The following IRAK2 variants were observed in gnomAD, a reference collection of about 807,000 sequenced individuals.
IRAK2 encodes the protein interleukin 1 receptor associated kinase 2.
A neutral mutation model predicts 72.0 loss-of-function variants in IRAK2; 57 were observed. The observed-to-expected ratio is 0.79, with a 90% CI of 0.64 to 0.99. The LOEUF (loss-of-function observed/expected upper bound fraction) is 0.99, where lower values mean the gene tolerates loss of function less well. IRAK2 is among the 50% of genes least tolerant of loss of function. IRAK2 has a pLI of 0.00. For missense variants in IRAK2, 790 were observed against 794.4 expected, an observed-to-expected ratio of 0.99 and a Z score of 0.07; for synonymous variants, 293 against 312.7, an observed-to-expected ratio of 0.94 and a Z score of 0.67.
chr3:10,207,206 G>T (rs1026055437), intron 3 of IRAK2, among the ~76,000 whole-genome samples: 1 of 152,102 alleles, frequency 6.6e-6, no homozygotes, highest in Non-Finnish European at 1.5e-5. Context: ...ACCTGCCTCG[G>T]CCTCCCAAAG....
At chr3:10,197,926 G>A (rs934638401) in intron 2 of IRAK2, among the ~76,000 whole-genome samples, 1 of 143,376 alleles carries the variant, frequency 7.0e-6, no homozygotes. Context: ...CAGGCCGGGC[G>A]CAGTGGCTCA....
intron 2 of IRAK2, among the ~76,000 whole-genome samples, chr3:10,190,111 G>GC (rs1318674685): frequency 3.3e-5 from 5 of 151,058 alleles, no homozygotes; most frequent in Non-Finnish European, 7.4e-5. Context: ...TAGTGATGAG[G>GC]CCAACATGGG....
At position 10,237,065 on chromosome 3, in the gene IRAK2, C is replaced by T. The variant is rs1697972649; in HGVS notation, c.1474-1683C>T. Among the ~76,000 whole-genome samples the T allele has an allele frequency of 2.0e-5, 3 of 152,216 alleles. No individual in the cohort carries two copies. In the South Asian group the frequency reaches 6.2e-4, roughly 31 times the overall value. On this transcript the variant is annotated intron_variant, in intron 11 of 12. Transcript: ENST00000256458. ...TTAAAAGGAAAAGGTGGACACACTC[C>T]CTTTCTTTTAAAGATATAACCTGGA...
intron 2 of IRAK2, among the ~76,000 whole-genome samples, chr3:10,182,774 TG>T (rs1445179571): frequency 2.6e-5 from 4 of 151,678 alleles, no homozygotes; most frequent in South Asian, 2.1e-4. Flanking sequence ...CCCACTAATT[TG>T]TTTTTTTTTT....
In IRAK2 at chr3:10,213,515, G is replaced by A; in HGVS notation, c.755G>A (p.Arg252Lys). 2 of 1,614,152 alleles carry A rather than the reference G, an allele frequency of 1.2e-6. No individual in the cohort carries two copies. Among genetic ancestry groups the A allele is most frequent in the African/African-American group, 1.3e-5 (1 of 75,040 alleles). Residue 252 changes from arginine to lysine, a missense_variant, in exon 6 of 13, where the codon AGA becomes AAA. By Grantham distance (26) the Arg-to-Lys change is conservative (BLOSUM62 2). Coordinates refer to ENST00000256458, the MANE Select transcript of IRAK2 (RefSeq NM_001570.4). ...TGTTCAAGTCCAGGATCAATCGAAA[G>A]ATTCTTCCAGGCAGAGTTGCAGATT... The part of the protein sequence containing the change: ...TACSSPGSIE[R>K]FFQAELQICL...
intron 6 of IRAK2, among the ~76,000 whole-genome samples, chr3:10,213,978 G>C (rs887325936): frequency 7.9e-5 from 12 of 151,646 alleles, no homozygotes; most frequent in African/African-American, 2.9e-4. Flanking sequence ...TCCCAGGCTG[G>C]AGTGCAGTGG....
At chr3:10,182,286 TC>T (rs1186603567) in intron 2 of IRAK2, among the ~76,000 whole-genome samples, 12 of 127,824 alleles carry the variant, frequency 9.4e-5, no homozygotes, top group African/African-American at 3.2e-4. Flanking sequence ...TTTCTTTTTT[TC>T]TTTTTTTTTT....
chr3:10,178,719 G>A (rs1696916767), intron 2 of IRAK2, among the ~76,000 whole-genome samples: 1 of 152,184 alleles, frequency 6.6e-6, no homozygotes, highest in Non-Finnish European at 1.5e-5. Flanking sequence ...ATCCCAAGAA[G>A]TAATGATTGG....
At chr3:10,220,375 C>T (rs755966987) in intron 8 of IRAK2, among the ~76,000 whole-genome samples, 1 of 152,302 alleles carries the variant, frequency 6.6e-6, no homozygotes, top group African/African-American at 2.4e-5. Flanking sequence ...AGACACAGAA[C>T]TCGTATTTCC....
chr3:10,181,272 G>A (rs76444263), intron 2 of IRAK2, among the ~76,000 whole-genome samples: 1,562 of 152,020 alleles, frequency 0.01, 39 homozygotes, highest in South Asian at 0.075. Context: ...TTCCCCCTGC[G>A]AAAGTTGTCA....
intron 9 of IRAK2, among the ~76,000 whole-genome samples, chr3:10,225,916 G>A (rs1187519352): frequency 6.6e-6 from 1 of 151,946 alleles, no homozygotes; most frequent in African/African-American, 2.4e-5. Flanking sequence ...AGCCAGGATG[G>A]TCTCGATCTC....
At chr3:10,195,410 G>C (rs1367779720) in intron 2 of IRAK2, among the ~76,000 whole-genome samples, 8 of 152,178 alleles carry the variant, frequency 5.3e-5, no homozygotes, top group Non-Finnish European at 1.5e-5. Flanking sequence ...TTAAAAATTA[G>C]CTGGGCGTGG....
intron 4 of IRAK2, among the ~76,000 whole-genome samples, chr3:10,211,733 G>A (rs181675681): frequency 6.6e-6 from 1 of 152,200 alleles, no homozygotes; most frequent in African/African-American, 2.4e-5. Context: ...GGATAATGGG[G>A]TTATGGATAC....
At chr3:10,208,176 G>C (rs1440552750) in intron 3 of IRAK2, among the ~76,000 whole-genome samples, 1 of 151,740 alleles carries the variant, frequency 6.6e-6, no homozygotes, top group Admixed American at 6.6e-5. Context: ...CTTGGCCAAA[G>C]GCCAAGGCCC....
At chr3:10,183,720 AAAATAAATAAAT>A (rs71055805) in intron 2 of IRAK2, among the ~76,000 whole-genome samples, 2 of 151,122 alleles carry the variant, frequency 1.3e-5, no homozygotes, top group African/African-American at 4.9e-5. Flanking sequence ...ACTCCGTCTC[AAAATAAATAAAT>A]AAATAAATAA....
chr3:10,230,912 C>A lies in IRAK2; in HGVS notation c.1273-3547C>A, dbSNP rs565775073. On this transcript the variant is annotated intron_variant, in intron 10 of 12. Transcript: ENST00000256458. ...GGATTACAGGCATGGACCAACATGC[C>A]CAGCTAATTTTTGTATTTTTAATAG... Among the ~76,000 whole-genome samples, 230 of 152,058 alleles carry A rather than the reference C, an allele frequency of 1.5e-3. 1 individual carries two copies. The highest frequency in any genetic ancestry group is 6.8e-3 in the Admixed American group (104 of 15,258).
chr3:10,222,363 G>A (rs1391162908), intron 8 of IRAK2, among the ~76,000 whole-genome samples: 1 of 152,176 alleles, frequency 6.6e-6, no homozygotes. Flanking sequence ...ATCAGGGTTG[G>A]CATCTGTGGG....
At chr3:10,231,496 T>G (rs1240418614) in intron 10 of IRAK2, among the ~76,000 whole-genome samples, 1 of 152,084 alleles carries the variant, frequency 6.6e-6, no homozygotes, top group Non-Finnish European at 1.5e-5. Context: ...TTTTGCCATG[T>G]TGCCCAGGCT....
chr3:10,218,162 G>A (rs548530038), intron 7 of IRAK2, among the ~76,000 whole-genome samples: 3 of 152,256 alleles, frequency 2.0e-5, no homozygotes, highest in South Asian at 2.1e-4. Context: ...AGTGGCTCAC[G>A]CCTGTAATCC....
Sources: gnomAD v4.1 joint callset for allele counts (sites outside exome capture counted in the v4.1 genomes callset) on GRCh38, gnomAD v4.1.1 for gene constraint, MANE v1.5 for transcripts, NCBI Gene and HGNC (gene_info 2026-07-23, HGNC 2026-07-21) for gene names.